Variants in STARD13 observed in about 807,000 individuals in gnomAD.
STARD13 encodes the protein stAR-related lipid transfer protein 13.
A neutral mutation model predicts 106.4 loss-of-function variants in STARD13; 62 were observed. The observed-to-expected ratio is 0.58, with a 90% CI of 0.48 to 0.72. The LOEUF (loss-of-function observed/expected upper bound fraction) is 0.72. Ranked by LOEUF, STARD13 falls within the 30% of genes least tolerant of loss-of-function variation. The probability of loss-of-function intolerance (pLI) is 0.00; values close to 1 mark genes in which losing one functional copy is unlikely to be tolerated. For synonymous variants in STARD13, 565 were observed against 553.0 expected, an observed-to-expected ratio of 1.02 and a Z score of -0.31; for missense variants, 1,387 against 1,424.0, an observed-to-expected ratio of 0.97 and a Z score of 0.42.
the STARD13 span, among the ~76,000 whole-genome samples, chr13:33,600,520 C>T: frequency 6.6e-6 from 1 of 152,154 alleles, no homozygotes; most frequent in Non-Finnish European, 1.5e-5. Flanking sequence ...CACACAGAAA[C>T]ACATACATAC....
chr13:33,565,616 T>G, the STARD13 span, among the ~76,000 whole-genome samples: 1 of 148,170 alleles, frequency 6.7e-6, no homozygotes, highest in East Asian at 2.0e-4. Flanking sequence ...ATGGATAATT[T>G]GGGCCTTCTA....
chr13:33,517,243 G>T, the STARD13 span, among the ~76,000 whole-genome samples: 6 of 151,844 alleles, frequency 4.0e-5, no homozygotes, highest in African/African-American at 1.5e-4. Context: ...TGTCCCATGG[G>T]CATTAACATC....
At chr13:33,442,937 C>T in the STARD13 span, among the ~76,000 whole-genome samples, 1 of 151,982 alleles carries the variant, frequency 6.6e-6, no homozygotes, top group Non-Finnish European at 1.5e-5. Flanking sequence ...CACAGGATGC[C>T]AGGGGCCAGG....
At chr13:33,117,819 C>G in intron 8 of STARD13, 1 of 983,838 alleles carries the variant, frequency 1.0e-6, no homozygotes, top group African/African-American at 1.7e-5. Context: ...TTAGATCATA[C>G]ACAAAACTCT....
At chr13:33,469,936 T>A in the STARD13 span, among the ~76,000 whole-genome samples, 1 of 152,136 alleles carries the variant, frequency 6.6e-6, no homozygotes, top group African/African-American at 2.4e-5. Flanking sequence ...ACTTTAAGTT[T>A]GGGGTACATG....
At chr13:33,220,834 G>T (rs1888317179) in intron 1 of STARD13, among the ~76,000 whole-genome samples, 1 of 152,122 alleles carries the variant, frequency 6.6e-6, no homozygotes, top group African/African-American at 2.4e-5. Context: ...AACAACAAAA[G>T]AATAGCATTT....
At chr13:33,331,917 A>C (rs2077841432) in intron 1 of STARD13, among the ~76,000 whole-genome samples, 1 of 152,166 alleles carries the variant, frequency 6.6e-6, no homozygotes, top group Non-Finnish European at 1.5e-5. Flanking sequence ...TTAGCAACTA[A>C]GTATTTTTTG....
the STARD13 span, among the ~76,000 whole-genome samples, chr13:33,554,075 C>T: frequency 6.6e-6 from 1 of 152,072 alleles, no homozygotes; most frequent in African/African-American, 2.4e-5. Context: ...TATATCTTCT[C>T]TTCACCATTG....
At chr13:33,148,963 G>A (rs1230650563) in intron 3 of STARD13, among the ~76,000 whole-genome samples, 1 of 152,156 alleles carries the variant, frequency 6.6e-6, no homozygotes, top group African/African-American at 2.4e-5. Flanking sequence ...AGTATGAGAA[G>A]GCTATATCCT....
At chr13:33,652,088 A>G in the STARD13 span, among the ~76,000 whole-genome samples, 6 of 152,336 alleles carry the variant, frequency 3.9e-5, no homozygotes, top group Non-Finnish European at 7.4e-5. Context: ...ATTATGATCT[A>G]TAATAAAATG....
In STARD13 at chr13:33,318,354, C is replaced by T. The variant is rs1023184261; in HGVS notation, c.124+31936G>A. On this transcript the variant is annotated intron_variant, in intron 1 of 5. Coordinates refer to the STARD13 transcript ENST00000567873. ...AAGAAAGAACAGTCTTTTCAGCAAACGGTTTTGGGGCAATTAGATATCCAC... is the reference window on the plus strand; with the variant it reads ...AAGAAAGAACAGTCTTTTCAGCAAATGGTTTTGGGGCAATTAGATATCCAC... Among the ~76,000 whole-genome samples, 8 of 152,188 alleles carry T rather than the reference C, an allele frequency of 5.3e-5. No homozygotes were observed. The South Asian group carries it at 6.2e-4, about 12-fold the overall frequency.
chr13:33,593,483 A>ACT, the STARD13 span, among the ~76,000 whole-genome samples: 1 of 152,122 alleles, frequency 6.6e-6, no homozygotes, highest in Non-Finnish European at 1.5e-5. Context: ...GTGCCCTGCC[A>ACT]GATGTTTACT....
the STARD13 span, among the ~76,000 whole-genome samples, chr13:33,499,607 C>G: frequency 1.7e-5 from 1 of 59,728 alleles, no homozygotes; most frequent in Non-Finnish European, 3.2e-5. Context: ...CTTCTTCTTT[C>G]TTCTTCTTCT....
At chr13:33,510,376 TG>T in the STARD13 span, among the ~76,000 whole-genome samples, 2 of 152,198 alleles carry the variant, frequency 1.3e-5, no homozygotes, top group Non-Finnish European at 2.9e-5. Context: ...ATATGGATAC[TG>T]GGCAGCCAAG....
At chr13:33,623,460 T>C in the STARD13 span, among the ~76,000 whole-genome samples, 1 of 148,778 alleles carries the variant, frequency 6.7e-6, no homozygotes, top group African/African-American at 2.5e-5. Flanking sequence ...AAAAGTCTGC[T>C]TCTGAAAAGG....
the STARD13 span, among the ~76,000 whole-genome samples, chr13:33,403,810 A>G: frequency 6.6e-6 from 1 of 152,224 alleles, no homozygotes; most frequent in Non-Finnish European, 1.5e-5. Context: ...ACTCATGAAC[A>G]TAGAAAATAT....
intron 1 of STARD13, among the ~76,000 whole-genome samples, chr13:33,333,075 A>C (rs1594274125): frequency 6.6e-6 from 1 of 152,306 alleles, no homozygotes; most frequent in East Asian, 1.9e-4. Context: ...TTTTAAACAG[A>C]TGACAAACAT....
intron 1 of STARD13, among the ~76,000 whole-genome samples, chr13:33,325,955 A>C (rs1288595432): frequency 7.0e-6 from 1 of 142,172 alleles, no homozygotes; most frequent in Non-Finnish European, 1.5e-5. Flanking sequence ...ACTGCACTCC[A>C]GCCTGGGCGA....
At chr13:33,124,908 C>T (rs890938997) in intron 7 of STARD13, among the ~76,000 whole-genome samples, 2 of 152,122 alleles carry the variant, frequency 1.3e-5, no homozygotes, top group African/African-American at 4.8e-5. Context: ...CAGCCATCCT[C>T]ACAACAATGA....
Sources: allele counts gnomAD v4.1 joint callset (sites outside exome capture counted in the v4.1 genomes callset), GRCh38; gene constraint gnomAD v4.1.1; transcripts MANE v1.5; gene names NCBI Gene and HGNC (gene_info 2026-07-23, HGNC 2026-07-21).